CDH18: variants seen among roughly 807,000 people sequenced by gnomAD.
CDH18 encodes cadherin-18.
A neutral mutation model predicts 67.9 loss-of-function variants in CDH18; 31 were observed. The ratio of observed to expected loss-of-function variants is 0.46; its 90% CI spans 0.34 to 0.62. The LOEUF (loss-of-function observed/expected upper bound fraction) is 0.62, where lower values mean the gene tolerates loss of function less well. Ranked by LOEUF, CDH18 falls within the 20% of genes least tolerant of loss-of-function variation. The probability of loss-of-function intolerance (pLI) is 0.01; values close to 1 mark genes in which losing one functional copy is unlikely to be tolerated. For synonymous variants in CDH18, 362 were observed against 347.2 expected, an observed-to-expected ratio of 1.04 and a Z score of -0.48; for missense variants, 890 against 975.5, an observed-to-expected ratio of 0.91 and a Z score of 1.17.
chr5:20,312,548 T>G (rs1054062944), intron 1 of CDH18, among the ~76,000 whole-genome samples: 2 of 152,272 alleles, frequency 1.3e-5, no homozygotes, highest in Non-Finnish European at 2.9e-5. Flanking sequence ...CACCTGCTGA[T>G]TTATAACTCC....
rs191377440 is a variant in CDH18, at chr5:20,527,677, G to A, written c.-580+47785C>T. 2.0e-5 allele frequency among the ~76,000 whole-genome samples: 3 copies of A among 152,116 alleles called. No individual in the cohort carries two copies. In the East Asian group the frequency reaches 5.8e-4, roughly 29 times the overall value. ...GCCAAACTCAGCTTTATAAGAGAAG[G>A]AGAAATAGAATCCTTTTCACACAAG... On this transcript the variant is annotated intron_variant, in intron 1 of 14. Transcript: ENST00000507958.
chr5:19,591,102 G>A lies in CDH18; in HGVS notation c.954C>T (p.Ile318=), dbSNP rs1745054668. 1 of 1,610,130 alleles carries A rather than the reference G, an allele frequency of 6.2e-7. No homozygotes were observed. Among genetic ancestry groups the A allele is most frequent in the African/African-American group, 1.3e-5 (1 of 74,732 alleles). Reference sequence around the variant, plus strand: ...CTTCTCTGGTCTCTTTGTCAGTGGAGATTGAGAATATTCCCATGCCATCAC... The same window carrying A: ...CTTCTCTGGTCTCTTTGTCAGTGGAAATTGAGAATATTCCCATGCCATCAC... ...INGDGMGIFS[I]STDKETREGI... Residue 318 remains isoleucine (I), a synonymous_variant, in exon 7 of 13, where the codon ATC becomes ATT. Transcript: ENST00000382275.
intron 1 of CDH18, among the ~76,000 whole-genome samples, chr5:20,547,147 C>G (rs1215861668): frequency 6.6e-6 from 1 of 152,000 alleles, no homozygotes; most frequent in Non-Finnish European, 1.5e-5. Context: ...TTTAAATTTA[C>G]CGATTCAATT....
intron 9 of CDH18, among the ~76,000 whole-genome samples, chr5:19,529,357 A>G (rs980671533): frequency 1.3e-5 from 2 of 152,064 alleles, no homozygotes; most frequent in Non-Finnish European, 2.9e-5. Context: ...CAAAACTGTA[A>G]CTATGATCAC....
chr5:20,172,190 G>GTATGTA (rs1554098642), intron 2 of CDH18, among the ~76,000 whole-genome samples: 1 of 23,318 alleles, frequency 4.3e-5, no homozygotes, highest in African/African-American at 1.6e-4. Context: ...AGCATTGTGT[G>GTATGTA]TATATATATA....
At chr5:19,819,400 T>C (rs1274665694) in intron 3 of CDH18, among the ~76,000 whole-genome samples, 1 of 152,084 alleles carries the variant, frequency 6.6e-6, no homozygotes, top group Non-Finnish European at 1.5e-5. Context: ...GAGTAAACCA[T>C]CACATTCTGA....
At chr5:20,559,256 C>T (rs993418607) in intron 1 of CDH18, among the ~76,000 whole-genome samples, 1 of 151,990 alleles carries the variant, frequency 6.6e-6, no homozygotes, top group Admixed American at 6.6e-5. Context: ...ACTTGGTAAA[C>T]ATCAGTTCAT....
At chr5:19,480,940 T>C (rs900582384) in intron 12 of CDH18, among the ~76,000 whole-genome samples, 1 of 152,046 alleles carries the variant, frequency 6.6e-6, no homozygotes, top group Non-Finnish European at 1.5e-5. Flanking sequence ...TGCAGTGAAA[T>C]AGTTCTTGCT....
chr5:20,259,545 G>T (rs1056790535), intron 1 of CDH18, among the ~76,000 whole-genome samples: 4 of 152,064 alleles, frequency 2.6e-5, no homozygotes, highest in African/African-American at 9.7e-5. Context: ...ATGAATAGTA[G>T]ATTTATTTTC....
At chr5:20,519,810 A>G (rs1389341989) in intron 1 of CDH18, among the ~76,000 whole-genome samples, 1 of 151,888 alleles carries the variant, frequency 6.6e-6, no homozygotes, top group Non-Finnish European at 1.5e-5. Flanking sequence ...ATCCTGACAG[A>G]TCAGGTCAGA....
chr5:19,523,060 T>C (rs347729), intron 9 of CDH18, among the ~76,000 whole-genome samples: 59,699 of 151,832 alleles, frequency 0.39, 11,943 homozygotes, highest in South Asian at 0.48. Flanking sequence ...ATGGTGATGA[T>C]GGCATTACAG....
rs1489409483 is a variant in CDH18, at chr5:20,532,600, GCA to G, written c.-580+42860_-580+42861del. On this transcript the variant is annotated intron_variant, in intron 1 of 14. Coordinates refer to the CDH18 transcript ENST00000507958. ...TGCAGTCAGAGGTCCAAGATGATATGCACAGAGTTTTTTAAGTTACTCATTGC... is the reference window on the plus strand; with the variant it reads ...TGCAGTCAGAGGTCCAAGATGATATGCAGAGTTTTTTAAGTTACTCATTGC... Among the ~76,000 whole-genome samples the G allele has an allele frequency of 6.6e-5, 10 of 152,130 alleles. No individual in the cohort carries two copies. In the South Asian group the frequency reaches 2.1e-3, roughly 32 times the overall value.
intron 2 of CDH18, among the ~76,000 whole-genome samples, chr5:20,020,601 G>A (rs950398355): frequency 6.6e-6 from 1 of 152,158 alleles, no homozygotes; most frequent in East Asian, 1.9e-4. Flanking sequence ...TCCAGAGGGT[G>A]TAAGCCATAA....
At chr5:19,801,519 A>G (rs1944130960) in intron 3 of CDH18, among the ~76,000 whole-genome samples, 1 of 152,306 alleles carries the variant, frequency 6.6e-6, no homozygotes, top group African/African-American at 2.4e-5. Flanking sequence ...AGATTGGCTT[A>G]CTTAATTGAT....
intron 3 of CDH18, among the ~76,000 whole-genome samples, chr5:19,776,449 CAG>C (rs1487223509): frequency 6.6e-6 from 1 of 151,710 alleles, no homozygotes; most frequent in African/African-American, 2.4e-5. Context: ...TACAGGCACT[CAG>C]TATTGAAGAA....
chr5:19,986,947 ACAGT>A (rs1356907664), intron 1 of CDH18, among the ~76,000 whole-genome samples: 1 of 152,238 alleles, frequency 6.6e-6, no homozygotes, highest in Admixed American at 6.5e-5. Context: ...GTTTGAAAAC[ACAGT>A]CAGAGCCTGT....
rs561937493 is a variant in CDH18, at chr5:19,761,498, T to G, written c.229-14262A>C. Among the ~76,000 whole-genome samples the G allele has an allele frequency of 3.9e-5, 6 of 152,288 alleles. No homozygotes were observed. In the East Asian group the frequency reaches 1.2e-3, roughly 29 times the overall value. On this transcript the variant is annotated intron_variant, in intron 3 of 12. Coordinates refer to ENST00000382275, the MANE Select transcript of CDH18 (RefSeq NM_004934.5). ...AAAGGACTATCAGTGTTCTCCATACTATTAGAAGTAGAGTCCTTAGCATTT... is the reference window on the plus strand; with the variant it reads ...AAAGGACTATCAGTGTTCTCCATACGATTAGAAGTAGAGTCCTTAGCATTT...
At chr5:19,724,500 TAC>T (rs1766540635) in intron 4 of CDH18, among the ~76,000 whole-genome samples, 2 of 122,924 alleles carry the variant, frequency 1.6e-5, no homozygotes, top group African/African-American at 5.4e-5. Flanking sequence ...AGCACACTCG[TAC>T]ACACAGACAT....
In CDH18 at chr5:19,994,730, TATATATATAGAGAGAGAGAGAG is replaced by T. The variant is rs1357540019; in HGVS notation, c.-517-2738_-517-2717del. Among the ~76,000 whole-genome samples, 46 of 16,658 alleles carry T rather than the reference TATATATATAGAGAGAGAGAGAG, an allele frequency of 2.8e-3. 3 individuals are homozygous for T. Among genetic ancestry groups the T allele is most frequent in the African/African-American group, 6.4e-3 (25 of 3,926 alleles). 10.9% of individuals were successfully genotyped at this position (16,658 alleles called of 152,430 possible). A position where few individuals can be genotyped will look rare whatever the true frequency, so the allele number is the denominator to read the frequency against. On this transcript the variant is annotated intron_variant, in intron 2 of 14. Coordinates refer to the CDH18 transcript ENST00000507958. ...ATATATATATATATATATATATATA[TATATATATAGAGAGAGAGAGAG>T]AGAGAGAGAGAGAGAGAGAGAGAGA...
Sources: gnomAD v4.1 joint callset for allele counts (sites outside exome capture counted in the v4.1 genomes callset) on GRCh38, gnomAD v4.1.1 for gene constraint, MANE v1.5 for transcripts, NCBI Gene and HGNC (gene_info 2026-07-23, HGNC 2026-07-21) for gene names.